TYW1B: variants seen among roughly 807,000 people sequenced by gnomAD.
TYW1B encodes the protein S-adenosyl-L-methionine-dependent tRNA 4-demethylwyosine synthase TYW1B.
In TYW1B, 73 loss-of-function variants were observed where a neutral mutation model predicts 86.9. The ratio of observed to expected loss-of-function variants is 0.84; its 90% CI spans 0.70 to 1.02. The LOEUF is 1.02. Among genes scored for constraint, TYW1B ranks in the 50% least tolerant of loss-of-function variants. The probability of loss-of-function intolerance (pLI) is 0.00; values close to 1 mark genes in which losing one functional copy is unlikely to be tolerated. For missense variants in TYW1B, 637 were observed against 827.4 expected, an observed-to-expected ratio of 0.77 and a Z score of 2.82; for synonymous variants, 248 against 292.8, an observed-to-expected ratio of 0.85 and a Z score of 1.56.
chr7:72,797,842 C>A (rs1224619720), intron 6 of TYW1B, among the ~76,000 whole-genome samples: 1 of 152,152 alleles, frequency 6.6e-6, no homozygotes, highest in Non-Finnish European at 1.5e-5. Flanking sequence ...GAAGTCAGGG[C>A]AGTCTTCTAT....
intron 11 of TYW1B, among the ~76,000 whole-genome samples, chr7:72,674,732 G>T (rs1554447052): frequency 6.7e-6 from 1 of 148,790 alleles, no homozygotes; most frequent in African/African-American, 2.5e-5. Flanking sequence ...CTTTTAAAAA[G>T]CACAGTTTCA....
At chr7:72,649,409 A>G (rs1813008331) in intron 11 of TYW1B, among the ~76,000 whole-genome samples, 4 of 152,312 alleles carry the variant, frequency 2.6e-5, no homozygotes, top group Middle Eastern at 6.8e-3. Context: ...CTAAACAGAA[A>G]TAAGAGAAAC....
At chr7:72,637,499 C>G (rs1554440927) in intron 11 of TYW1B, among the ~76,000 whole-genome samples, 1 of 151,876 alleles carries the variant, frequency 6.6e-6, no homozygotes, top group African/African-American at 2.4e-5. Context: ...TCTAACATTA[C>G]TTATTTGTAC....
intron 7 of TYW1B, among the ~76,000 whole-genome samples, chr7:72,755,567 T>G (rs1265469804): frequency 6.6e-6 from 1 of 151,978 alleles, no homozygotes; most frequent in East Asian, 1.9e-4. Flanking sequence ...TCGCAGCTAC[T>G]CCAGGTGGAT....
At position 72,643,345 on chromosome 7, in the gene TYW1B, G is replaced by C. The variant is rs1191744808; in HGVS notation, c.1507-14348C>G. Among the ~76,000 whole-genome samples the C allele has an allele frequency of 7.9e-5, 12 of 152,308 alleles. No individual in the cohort carries two copies. The East Asian group carries it at 2.3e-3, about 29-fold the overall frequency. On this transcript the variant is annotated intron_variant, in intron 11 of 13. Transcript: ENST00000620995. ...CTCACGGCTGTAATCCCAGCAGTTT[G>C]GGAGGCCGATGTGGGCGGATCACCT...
chr7:72,751,857 C>A (rs62466871), intron 7 of TYW1B, among the ~76,000 whole-genome samples: 10,068 of 152,272 alleles, frequency 0.066, 464 homozygotes, highest in Admixed American at 0.093. Flanking sequence ...TTTTCAGAAC[C>A]TTTGCAGTGT....
chr7:72,656,154 GC>G (rs1813198695), intron 11 of TYW1B, among the ~76,000 whole-genome samples: 1 of 152,128 alleles, frequency 6.6e-6, no homozygotes, highest in African/African-American at 2.4e-5. Flanking sequence ...CCCTACCACA[GC>G]CTCCACTAAC....
At chr7:72,811,909 G>T (rs535044494) in intron 3 of TYW1B, among the ~76,000 whole-genome samples, 3 of 102,114 alleles carry the variant, frequency 2.9e-5, no homozygotes, top group Non-Finnish European at 5.6e-5. Flanking sequence ...ACGAAGCGAA[G>T]ACTCCATCTC....
At chr7:72,730,153 T>C (rs1258541240) in intron 8 of TYW1B, among the ~76,000 whole-genome samples, 1 of 152,028 alleles carries the variant, frequency 6.6e-6, no homozygotes, top group African/African-American at 2.4e-5. Flanking sequence ...GATACCAATG[T>C]AGTAAAAAAC....
chr7:72,596,303 A>G (rs1231016384), intron 13 of TYW1B, among the ~76,000 whole-genome samples: 5 of 152,070 alleles, frequency 3.3e-5, no homozygotes, highest in Non-Finnish European at 7.4e-5. Flanking sequence ...CCTAAAATTC[A>G]TATGGATTCT....
At chr7:72,642,019 G>A (rs1812811195) in intron 11 of TYW1B, among the ~76,000 whole-genome samples, 1 of 152,140 alleles carries the variant, frequency 6.6e-6, no homozygotes, top group Non-Finnish European at 1.5e-5. Context: ...ACCACCATAA[G>A]GATAAAAGTG....
At chr7:72,710,992 T>C (rs1338720709) in intron 10 of TYW1B, among the ~76,000 whole-genome samples, 1 of 152,126 alleles carries the variant, frequency 6.6e-6, no homozygotes, top group Non-Finnish European at 1.5e-5. Flanking sequence ...CCTCCCTTTC[T>C]AGCTTCATGC....
intron 6 of TYW1B, among the ~76,000 whole-genome samples, chr7:72,778,739 G>T (rs1302838689): frequency 1.3e-5 from 2 of 152,162 alleles, no homozygotes. Flanking sequence ...GATAGAAAAA[G>T]AAACACTTAA....
intron 13 of TYW1B, among the ~76,000 whole-genome samples, chr7:72,588,391 G>A (rs1432017773): frequency 3.9e-5 from 6 of 152,188 alleles, no homozygotes; most frequent in Non-Finnish European, 7.3e-5. Flanking sequence ...CCTCTGATGA[G>A]GGTGAGTTCC....
intron 7 of TYW1B, among the ~76,000 whole-genome samples, chr7:72,762,264 GTTCT>G (rs1479850106): frequency 2.6e-5 from 4 of 152,130 alleles, no homozygotes; most frequent in Non-Finnish European, 5.9e-5. Context: ...GTGAGGAAAA[GTTCT>G]TTCTTTTTGA....
At chr7:72,731,411 A>C (rs1787106524) in intron 8 of TYW1B, among the ~76,000 whole-genome samples, 2 of 150,754 alleles carry the variant, frequency 1.3e-5, no homozygotes, top group Non-Finnish European at 1.5e-5. Flanking sequence ...AAAAAAAAAA[A>C]AAAACAAGAG....
chr7:72,826,323 CTTTA>C (rs1345690899), intron 2 of TYW1B, among the ~76,000 whole-genome samples: 26 of 152,316 alleles, frequency 1.7e-4, no homozygotes, highest in African/African-American at 6.0e-4. Context: ...TACTGACACA[CTTTA>C]TTTTTCTCTT....
chr7:72,735,649 C>T (rs1414959435), intron 8 of TYW1B, among the ~76,000 whole-genome samples: 8 of 151,446 alleles, frequency 5.3e-5, no homozygotes, highest in Admixed American at 1.3e-4. Context: ...GGAGGCAGAT[C>T]ACCTGAGGTC....
chr7:72,798,008 TATAC>T lies in TYW1B; in HGVS notation c.846+4388_846+4391del, dbSNP rs1328554820. 1.2e-3 allele frequency among the ~76,000 whole-genome samples: 69 copies of T among 58,832 alleles called. No individual in the cohort carries two copies. The East Asian group carries it at 0.018, about 15-fold the overall frequency. 38.6% of individuals were successfully genotyped at this position (58,832 alleles called of 152,430 possible). ...CCAGCTAGAAAATACTATTTATATATATACACACACACACACACACACACACACA... is the reference window on the plus strand; with the variant it reads ...CCAGCTAGAAAATACTATTTATATATACACACACACACACACACACACACA... On this transcript the variant is annotated intron_variant, in intron 6 of 13. Transcript: ENST00000620995.
Sources: allele counts gnomAD v4.1 joint callset (sites outside exome capture counted in the v4.1 genomes callset), GRCh38; gene constraint gnomAD v4.1.1; transcripts MANE v1.5; gene names NCBI Gene and HGNC (gene_info 2026-07-23, HGNC 2026-07-21).